MVB12B: variants seen among roughly 807,000 people sequenced by gnomAD.
MVB12B encodes the protein multivesicular body subunit 12B.
Under a neutral mutation model 41.6 loss-of-function variants are expected in MVB12B, and 16 were observed. That is an observed-to-expected ratio of 0.38 (90% CI 0.26 to 0.58). The LOEUF is 0.58. Among genes scored for constraint, MVB12B ranks in the 20% least tolerant of loss-of-function variants. The pLI is 0.62. For synonymous variants in MVB12B, 133 were observed against 139.7 expected (o/e 0.95, Z 0.34); for missense variants, 274 against 380.2 (o/e 0.72, Z 2.32).
At chr9:126,357,393 G>A (rs1829910400) in intron 2 of MVB12B, among the ~76,000 whole-genome samples, 1 of 152,200 alleles carries the variant, frequency 6.6e-6, no homozygotes, top group African/African-American at 2.4e-5. Context: ...GGATTGCACA[G>A]TAGATGCATG....
At chr9:126,400,757 C>T (rs1348191018) in intron 6 of MVB12B, among the ~76,000 whole-genome samples, 2 of 152,238 alleles carry the variant, frequency 1.3e-5, no homozygotes, top group African/African-American at 2.4e-5. Flanking sequence ...TGGAGAGTTG[C>T]TGCTGTGCAG....
At chr9:126,469,324 C>T (rs1564342459) in intron 7 of MVB12B, among the ~76,000 whole-genome samples, 1 of 152,194 alleles carries the variant, frequency 6.6e-6, no homozygotes, top group Non-Finnish European at 1.5e-5. Flanking sequence ...TCAGCGGCTC[C>T]GGATTCAAGG....
chr9:126,501,879 G>T (rs981446559), intron 9 of MVB12B, among the ~76,000 whole-genome samples: 3 of 152,232 alleles, frequency 2.0e-5, no homozygotes, highest in African/African-American at 7.2e-5. Context: ...GGTGGGCAGG[G>T]CGTGGGCACC....
rs374558224 is a variant in MVB12B at position 126,404,897 on chromosome 9, G to T, written c.662+9200G>T. The stretch of plus-strand genomic sequence containing the variant: ...AATGCTCGTGAACAGAGCGGCGGCC[G>T]CTCTTGGACCCGTATCAAACTTAGT... On this transcript the variant is annotated intron_variant, in intron 6 of 9. Coordinates refer to ENST00000361171, the MANE Select transcript of MVB12B (RefSeq NM_033446.3). Among the ~76,000 whole-genome samples, 3 of 152,330 alleles carry T rather than the reference G, an allele frequency of 2.0e-5. No individual in the cohort carries two copies. The South Asian group carries it at 6.2e-4, about 32-fold the overall frequency.
intron 2 of MVB12B, among the ~76,000 whole-genome samples, chr9:126,371,066 T>C (rs533792978): frequency 6.6e-6 from 1 of 152,370 alleles, no homozygotes; most frequent in Non-Finnish European, 1.5e-5. Context: ...ATCAGGTGTC[T>C]GGGTACTATT....
chr9:126,479,477 A>G (rs1006716881), intron 7 of MVB12B, among the ~76,000 whole-genome samples: 1 of 152,202 alleles, frequency 6.6e-6, no homozygotes, highest in Non-Finnish European at 1.5e-5. Context: ...AGGTACTTAG[A>G]GTTCACACAC....
At chr9:126,471,045 C>T (rs1364493754) in intron 7 of MVB12B, among the ~76,000 whole-genome samples, 2 of 152,186 alleles carry the variant, frequency 1.3e-5, no homozygotes, top group African/African-American at 2.4e-5. Context: ...CTCTCTTCTA[C>T]AGCTGAGGAA....
intron 7 of MVB12B, among the ~76,000 whole-genome samples, chr9:126,457,874 G>A (rs538320549): frequency 4.6e-5 from 7 of 152,328 alleles, no homozygotes; most frequent in Middle Eastern, 3.4e-3. Context: ...CCTCGCTGGA[G>A]TCAAGCTGAG....
rs1162914526 is a variant in MVB12B at position 126,340,880 on chromosome 9, T to C, written c.204+250T>C. On this transcript the variant is annotated intron_variant, in intron 2 of 9. Coordinates refer to ENST00000361171, the MANE Select transcript of MVB12B (RefSeq NM_033446.3). This position sits in a 1 kb window ranked among gnomAD's most constrained non-coding sequence, Gnocchi z 4.0. ...TGTAAAATTAAGGAGTTAGATTCAT[T>C]GATTTTCAACTTCTGGTTGTGACAT... is the stretch of plus-strand genomic sequence containing the variant. 6.6e-6 allele frequency among the ~76,000 whole-genome samples: 1 copy of C among 152,212 alleles called. No individual in the cohort carries two copies. The highest frequency in any genetic ancestry group is 1.5e-5 in the Non-Finnish European group (1 of 68,022).
chr9:126,420,726 A>G (rs1342574014), intron 6 of MVB12B, among the ~76,000 whole-genome samples: 1 of 151,960 alleles, frequency 6.6e-6, no homozygotes, highest in East Asian at 1.9e-4. Context: ...TGGGATTAGT[A>G]GAGACAGGGT....
At position 126,395,690 on chromosome 9, in the gene MVB12B, C is replaced by T. The variant is rs1400193932; in HGVS notation, c.655C>T (p.Leu219Phe). The T allele has an allele frequency of 6.2e-7, 1 of 1,614,098 alleles. No individual in the cohort carries two copies. Among genetic ancestry groups the T allele is most frequent in the Non-Finnish European group, 8.5e-7 (1 of 1,179,974 alleles). ...AGCTGCCTCCACCCCAGCCCCCAAC[C>T]TTCCCAGGTGAGGCCTTGTCGGGGT... is the stretch of plus-strand genomic sequence containing the variant. The part of the protein sequence containing the change: ...SSAASTPAPN[L>F]PRHISLTLPA... Residue 219 changes from leucine to phenylalanine, a missense_variant, in exon 6 of 10, where the codon CTT (leucine) becomes TTT (phenylalanine). Physicochemically the swap from Leu to Phe is conservative, Grantham distance 22 (BLOSUM62 0). Coordinates refer to ENST00000361171, the MANE Select transcript of MVB12B (RefSeq NM_033446.3). This position sits in a 1 kb window ranked among gnomAD's most constrained non-coding sequence, Gnocchi z 4.9.
At chr9:126,409,125 C>G (rs13302579) in intron 6 of MVB12B, among the ~76,000 whole-genome samples, 1 of 151,150 alleles carries the variant, frequency 6.6e-6, no homozygotes, top group Non-Finnish European at 1.5e-5. Context: ...TGGGGGGGGG[C>G]TCAGTAATGC....
intron 2 of MVB12B, among the ~76,000 whole-genome samples, chr9:126,365,102 G>A (rs1236424528): frequency 2.6e-5 from 4 of 151,206 alleles, no homozygotes; most frequent in Non-Finnish European, 5.9e-5. Context: ...CACCCAGGCT[G>A]GAGTGCAGTG....
intron 1 of MVB12B, chr9:126,335,535 T>G (rs1829249411): frequency 8.6e-6 from 5 of 580,286 alleles, no homozygotes; most frequent in Admixed American, 2.5e-5. Flanking sequence ...GTCCCTTGCT[T>G]GCGATTTGCC....
intron 7 of MVB12B, among the ~76,000 whole-genome samples, chr9:126,465,573 T>G (rs1487524535): frequency 6.6e-6 from 1 of 151,108 alleles, no homozygotes; most frequent in African/African-American, 2.4e-5. Flanking sequence ...ATAGGTTTCT[T>G]TGGATGCCAT....
chr9:126,448,571 G>A (rs1832834404), intron 7 of MVB12B, among the ~76,000 whole-genome samples: 1 of 152,202 alleles, frequency 6.6e-6, no homozygotes, highest in South Asian at 2.1e-4. Context: ...CGGTTCTGCA[G>A]ACTATATAGG....
At chr9:126,427,611 T>C (rs1832217628) in intron 7 of MVB12B, among the ~76,000 whole-genome samples, 1 of 152,220 alleles carries the variant, frequency 6.6e-6, no homozygotes, top group Admixed American at 6.5e-5. Context: ...ATAGAAAGCT[T>C]ATTTATCTCT....
At chr9:126,380,531 T>C (rs1486214452) in intron 2 of MVB12B, among the ~76,000 whole-genome samples, 2 of 152,234 alleles carry the variant, frequency 1.3e-5, no homozygotes, top group Non-Finnish European at 2.9e-5. Context: ...TGTCAGGGCT[T>C]GTACCAAGAG....
intron 7 of MVB12B, among the ~76,000 whole-genome samples, chr9:126,442,084 A>G (rs1244315428): frequency 6.6e-6 from 1 of 152,196 alleles, no homozygotes; most frequent in Non-Finnish European, 1.5e-5. Context: ...GCTTCCCTAT[A>G]TCCCTTGAAT....
Sources: gnomAD v4.1 joint callset for allele counts (sites outside exome capture counted in the v4.1 genomes callset) on GRCh38, gnomAD v4.1.1 for gene constraint, Gnocchi (gnomAD v3.1) non-coding constraint, MANE v1.5 for transcripts, NCBI Gene and HGNC (gene_info 2026-07-23, HGNC 2026-07-21) for gene names.